Variants in EIF2AK4 observed in about 807,000 individuals in gnomAD.
EIF2AK4 encodes eIF-2-alpha kinase GCN2.
A neutral mutation model predicts 211.1 loss-of-function variants in EIF2AK4; 139 were observed. The observed-to-expected ratio is 0.66, with a 90% CI of 0.57 to 0.76. The LOEUF (loss-of-function observed/expected upper bound fraction) is 0.76, where lower values mean the gene tolerates loss of function less well. Ranked by LOEUF, EIF2AK4 falls within the 30% of genes least tolerant of loss-of-function variation. EIF2AK4 has a pLI of 0.00. For missense variants in EIF2AK4, 1,664 were observed against 2,043.8 expected (o/e 0.81, Z 3.58); for synonymous variants, 710 against 751.3 (o/e 0.94, Z 0.90).
At chr15:40,022,181 C>CGTGTGTGTGTGTGT (rs142104639) in intron 31 of EIF2AK4, 1,924 of 137,712 alleles carry the variant, frequency 0.014, 35 homozygotes, top group Admixed American at 0.03. Context: ...GCTTTTTCAG[C>CGTGTGTGTGTGTGT]GTGTGTGTGT....
In EIF2AK4 at chr15:39,939,631, TA is replaced by T; in HGVS notation, c.257+17del. The T allele has an allele frequency of 6.3e-7, 1 of 1,582,862 alleles. No homozygotes were observed. Among genetic ancestry groups the T allele is most frequent in the Non-Finnish European group, 8.6e-7 (1 of 1,160,822 alleles). On this transcript the variant is annotated intron_variant, in intron 2 of 38. Transcript: ENST00000263791. ...CTATCCAGATGTGTGAGTACATTTA[TA>T]AATAGCTTTGACGTGGTTTCAGTTT...
intron 30 of EIF2AK4, among the ~76,000 whole-genome samples, chr15:40,019,969 G>A (rs754347337): frequency 4.0e-5 from 6 of 151,852 alleles, no homozygotes; most frequent in Non-Finnish European, 8.8e-5. Context: ...GACTAGCCTG[G>A]GCAACATAGC....
chr15:39,934,145 G>A lies in EIF2AK4; in HGVS notation c.-51G>A. The A allele has an allele frequency of 1.6e-6, 2 of 1,257,388 alleles. No homozygotes were observed. Among genetic ancestry groups the A allele is most frequent in the East Asian group, 3.4e-5 (1 of 29,344 alleles). The allele number at this position is 1,257,388 out of a possible 1,614,324, so 77.9% of individuals were successfully genotyped here. On this transcript the variant is annotated 5_prime_UTR_variant, in exon 1 of 39. Coordinates refer to ENST00000263791, the MANE Select transcript of EIF2AK4 (RefSeq NM_001013703.4). Reference sequence around the variant, plus strand: ...GGAGCCCCGCCCCGCAGGCTGCCGGGGGCCCACCGCCGCCCAGGCAAGGCC... The same window carrying A: ...GGAGCCCCGCCCCGCAGGCTGCCGGAGGCCCACCGCCGCCCAGGCAAGGCC...
chr15:39,968,244 A>G (rs2034572371), intron 9 of EIF2AK4, among the ~76,000 whole-genome samples: 1 of 152,208 alleles, frequency 6.6e-6, no homozygotes, highest in African/African-American at 2.4e-5. Context: ...CTCCTTATTC[A>G]AAAACAGCTT....
At chr15:39,998,107 C>T (rs1173639039) in intron 19 of EIF2AK4, among the ~76,000 whole-genome samples, 1 of 152,084 alleles carries the variant, frequency 6.6e-6, no homozygotes, top group Admixed American at 6.5e-5. Context: ...TATTGCCTCG[C>T]CTTGACTGCA....
intron 3 of EIF2AK4, among the ~76,000 whole-genome samples, chr15:39,948,273 A>C (rs1449465512): frequency 2.0e-5 from 3 of 152,230 alleles, no homozygotes; most frequent in African/African-American, 7.2e-5. Context: ...TCAAACATAT[A>C]ATGAAAATAA....
At chr15:39,953,361 CA>C (rs1211470173) in intron 4 of EIF2AK4, among the ~76,000 whole-genome samples, 1 of 151,976 alleles carries the variant, frequency 6.6e-6, no homozygotes, top group Non-Finnish European at 1.5e-5. Context: ...AGGAATAATG[CA>C]AAATAGAGAT....
At position 39,969,477 on chromosome 15, in the gene EIF2AK4, C is replaced by G. The variant is rs545257974; in HGVS notation, c.1553+1598C>G. The stretch of plus-strand genomic sequence containing the variant: ...CCAGGTTCACGCCATTCTCCTGCCT[C>G]AGCCTCCTGAGTAGCTGGGTCTACA... On this transcript the variant is annotated intron_variant, in intron 9 of 38. Transcript: ENST00000263791. Among the ~76,000 whole-genome samples, 9 of 150,742 alleles carry G rather than the reference C, an allele frequency of 6.0e-5. No individual in the cohort carries two copies. The South Asian group carries it at 1.9e-3, about 32-fold the overall frequency.
rs548407850 is a variant in EIF2AK4 at position 39,983,789 on chromosome 15, C to G, written c.2320-2016C>G. On this transcript the variant is annotated intron_variant, in intron 13 of 38. Coordinates refer to ENST00000263791, the MANE Select transcript of EIF2AK4 (RefSeq NM_001013703.4). Reference sequence around the variant, plus strand: ...TGGACAGATTGCAAAAATTTTCTCCCATTCTGTAGGTTGCCTGTTCACTCT... The same window carrying G: ...TGGACAGATTGCAAAAATTTTCTCCGATTCTGTAGGTTGCCTGTTCACTCT... Among the ~76,000 whole-genome samples the G allele has an allele frequency of 1.4e-4, 21 of 152,314 alleles. No individual in the cohort carries two copies. The South Asian group carries it at 2.3e-3, about 17-fold the overall frequency.
At chr15:40,035,006 A>C in intron 38 of EIF2AK4, 21 bp from the exon 39 acceptor site, 3 of 1,569,272 alleles carry the variant, frequency 1.9e-6, no homozygotes, top group Non-Finnish European at 2.6e-6. Flanking sequence ...CTGTCCTTAT[A>C]TCTTTTCTTT....
rs1343638849 is a variant in EIF2AK4 at position 40,001,031 on chromosome 15, G to A, written c.2966G>A (p.Arg989Gln). ...SWLLNHDPAK[R>Q]PTATELLKSE... ...CTGTTGAACCACGATCCAGCAAAAC[G>A]GCCCACAGCCACAGAACTGCTCAAG... is the stretch of plus-strand genomic sequence containing the variant. The change falls in exon 21 of 39, where the codon CGG becomes CAG. Residue 989 changes from arginine to glutamine, a missense_variant. By Grantham distance (43) the Arg-to-Gln change is conservative. Coordinates refer to ENST00000263791, the MANE Select transcript of EIF2AK4 (RefSeq NM_001013703.4). 4 of 1,614,108 alleles carry A rather than the reference G, an allele frequency of 2.5e-6. No homozygotes were observed. Among genetic ancestry groups the A allele is most frequent in the Non-Finnish European group, 3.4e-6 (4 of 1,180,008 alleles).
Position 40,032,805 on chromosome 15 carries a change from A to C in EIF2AK4, c.4773+4A>C. On this transcript the variant is annotated splice_donor_region_variant and intron_variant, in intron 37 of 38. Transcript: ENST00000263791. ...ATTACAGTTTTTATCATTAGAGGTAAGCAATATGAACTCTTCTGCACTGTG... is the reference window on the plus strand; with the variant it reads ...ATTACAGTTTTTATCATTAGAGGTACGCAATATGAACTCTTCTGCACTGTG... The C allele has an allele frequency of 6.2e-7, 1 of 1,613,060 alleles. No individual in the cohort carries two copies. The highest frequency in any genetic ancestry group is 8.5e-7 in the Non-Finnish European group (1 of 1,179,570).
At chr15:39,998,040 G>A (rs1217262988) in intron 19 of EIF2AK4, among the ~76,000 whole-genome samples, 1 of 152,164 alleles carries the variant, frequency 6.6e-6, no homozygotes, top group Non-Finnish European at 1.5e-5. Flanking sequence ...TTATTTTACT[G>A]TGAGTACAGT....
chr15:39,990,199 C>T (rs2034923547), intron 15 of EIF2AK4, 74 bp from the exon 16 acceptor site: 1 of 1,434,300 alleles, frequency 7.0e-7, no homozygotes. Context: ...GCTAGGTTGG[C>T]CTTTTAAATT....
chr15:39,956,991 A>T (rs558163357), intron 6 of EIF2AK4, among the ~76,000 whole-genome samples: 67 of 152,320 alleles, frequency 4.4e-4, no homozygotes, highest in South Asian at 2.7e-3. Context: ...CTAAATTTTT[A>T]AAAAAATACT....
chr15:39,941,352 ATGAGTAC>A (rs2034141983), intron 2 of EIF2AK4, among the ~76,000 whole-genome samples: 1 of 152,132 alleles, frequency 6.6e-6, no homozygotes, highest in Non-Finnish European at 1.5e-5. Context: ...GAGTTCCCTC[ATGAGTAC>A]TAACTCCGGT....
chr15:40,022,682 G>A (rs748540558), intron 32 of EIF2AK4, 77 bp downstream of exon 32: 40 of 1,284,556 alleles, frequency 3.1e-5, no homozygotes, highest in Admixed American at 1.1e-4. Flanking sequence ...ACTGAGGCCC[G>A]GGCCGTGTAG....
Position 39,939,562 on chromosome 15 carries a change from G to C in EIF2AK4, c.202G>C (p.Glu68Gln). Residue 68 changes from glutamate to glutamine, a missense_variant, in exon 2 of 39, where the codon GAA becomes CAA. This residue lies in a region of EIF2AK4 where 641 missense variants were observed against 729.6 expected (regional missense o/e 0.88). Transcript: ENST00000263791. The part of the protein sequence containing the change: ...VLYPQGLTGE[E>Q]VYVKVDLRVK... ...GTACCCTCAAGGCCTAACTGGTGAAGAAGTATATGTAAAAGTGGATTTGAG... is the reference window on the plus strand; with the variant it reads ...GTACCCTCAAGGCCTAACTGGTGAACAAGTATATGTAAAAGTGGATTTGAG... 7 of 1,613,136 alleles carry C rather than the reference G, an allele frequency of 4.3e-6. No individual in the cohort carries two copies. Among genetic ancestry groups the C allele is most frequent in the Non-Finnish European group, 5.9e-6 (7 of 1,179,404 alleles).
At chr15:39,988,527 T>G (rs567912010) in intron 15 of EIF2AK4, among the ~76,000 whole-genome samples, 1 of 152,238 alleles carries the variant, frequency 6.6e-6, no homozygotes, top group Non-Finnish European at 1.5e-5. Context: ...GCTATGCTCA[T>G]TGGTTTACAT....
Sources: gnomAD v4.1 joint callset for allele counts (sites outside exome capture counted in the v4.1 genomes callset) on GRCh38, gnomAD v4.1.1 for gene constraint, gnomAD v4.1.1 regional missense constraint, MANE v1.5 for transcripts, NCBI Gene and HGNC (gene_info 2026-07-23, HGNC 2026-07-21) for gene names.